Variants in GLP1R observed in about 807,000 individuals in gnomAD.
The protein encoded by GLP1R is glucagon like peptide 1 receptor.
Under a neutral mutation model 68.4 loss-of-function variants are expected in GLP1R, and 32 were observed. The observed-to-expected ratio is 0.47, with a 90% confidence interval of 0.35 to 0.63. The LOEUF (loss-of-function observed/expected upper bound fraction) is 0.63, where lower values mean the gene tolerates loss of function less well. GLP1R is among the 20% of genes least tolerant of loss of function. GLP1R has a pLI of 0.00. For synonymous variants in GLP1R, 263 were observed against 244.4 expected (o/e 1.08, Z -0.71); for missense variants, 502 against 594.9 (o/e 0.84, Z 1.62).
In GLP1R at chr6:39,089,707, C is replaced by T. The variant is rs1272298893; in HGVS notation, c.*3634C>T. 6.6e-6 allele frequency among the ~76,000 whole-genome samples: 1 copy of T among 152,198 alleles called. No individual in the cohort carries two copies. Among genetic ancestry groups the T allele is most frequent in the Non-Finnish European group, 1.5e-5 (1 of 68,024 alleles). ...GGAGATGATGACTCCAGAATCATCACACCCGCTGTGCAGGTCATAGGACCG... is the reference window on the plus strand; with the variant it reads ...GGAGATGATGACTCCAGAATCATCATACCCGCTGTGCAGGTCATAGGACCG... On this transcript the variant is annotated 3_prime_UTR_variant, in exon 13 of 13. Coordinates refer to ENST00000373256, the MANE Select transcript of GLP1R (RefSeq NM_002062.5). This position sits in a 1 kb window ranked among gnomAD's most constrained non-coding sequence, Gnocchi z 4.1.
chr6:39,053,103 A>C (rs1380924774), intron 1 of GLP1R, among the ~76,000 whole-genome samples: 1 of 152,154 alleles, frequency 6.6e-6, no homozygotes, highest in Non-Finnish European at 1.5e-5. Context: ...AGAAACTGCC[A>C]TCCTGCCCTT....
intron 5 of GLP1R, among the ~76,000 whole-genome samples, chr6:39,068,799 C>T (rs373427771): frequency 6.6e-6 from 1 of 152,178 alleles, no homozygotes; most frequent in African/African-American, 2.4e-5. Flanking sequence ...GGGCTCCTCC[C>T]CCAGAACTGT....
chr6:39,072,790 C>A, intron 5 of GLP1R, 72 bp from the exon 6 acceptor site: 1 of 1,375,516 alleles, frequency 7.3e-7, no homozygotes, highest in East Asian at 2.3e-5. Flanking sequence ...TGTGTGTTAG[C>A]TTGAGAGCCT....
At position 39,088,832 on chromosome 6, in the gene GLP1R, TC is replaced by T. The variant is rs1157881806; in HGVS notation, c.*2765del. 6.6e-6 allele frequency among the ~76,000 whole-genome samples: 1 copy of T among 151,956 alleles called. No homozygotes were observed. The highest frequency in any genetic ancestry group is 1.9e-4 in the East Asian group (1 of 5,188). On this transcript the variant is annotated 3_prime_UTR_variant, in exon 13 of 13. Coordinates refer to ENST00000373256, the MANE Select transcript of GLP1R (RefSeq NM_002062.5). ...TCTGAGCAGAGAAAGACCTTGGTGA[TC>T]CCCCCTGGCCCGATCTATAGGATTG...
intron 5 of GLP1R, among the ~76,000 whole-genome samples, chr6:39,068,680 G>C (rs893153298): frequency 6.6e-6 from 1 of 152,158 alleles, no homozygotes; most frequent in Non-Finnish European, 1.5e-5. Context: ...GTTATACCTG[G>C]GCCCACTTGA....
chr6:39,073,689 G>A lies in GLP1R; in HGVS notation c.743G>A (p.Gly248Asp), dbSNP rs1388310962. The change falls in exon 7 of 13, where the codon GGC (glycine) becomes GAC (aspartate). Residue 248 changes from glycine (G) to aspartate (D), a missense_variant. By Grantham distance (94) the Gly-to-Asp change is moderately conservative (BLOSUM62 -1). Coordinates refer to ENST00000373256, the MANE Select transcript of GLP1R (RefSeq NM_002062.5). ...AANYYWLLVE[G>D]VYLYTLLAFS... Reference sequence around the variant, plus strand: ...AATTACTACTGGCTCTTGGTGGAGGGCGTGTACCTGTACACACTGCTGGCC... The same window carrying A: ...AATTACTACTGGCTCTTGGTGGAGGACGTGTACCTGTACACACTGCTGGCC... 6.2e-7 allele frequency: 1 copy of A among 1,613,710 alleles called. No homozygotes were observed.
intron 6 of GLP1R, 113 bp downstream of exon 6, chr6:39,073,128 C>T (rs1768720776): frequency 1.4e-5 from 14 of 985,996 alleles, no homozygotes; most frequent in Non-Finnish European, 4.5e-6. Flanking sequence ...ACAGTCCTGG[C>T]CCTTCGGGAG....
intron 7 of GLP1R, among the ~76,000 whole-genome samples, chr6:39,074,908 T>C (rs747849547): frequency 3.3e-4 from 50 of 152,316 alleles, no homozygotes; most frequent in Middle Eastern, 3.4e-3. Context: ...TTATTTTTAC[T>C]GGTGTTCCTC....
chr6:39,085,246 G>C (rs1562020548), intron 12 of GLP1R, among the ~76,000 whole-genome samples: 1 of 152,216 alleles, frequency 6.6e-6, no homozygotes, highest in Non-Finnish European at 1.5e-5. Context: ...GGAGGCCAGA[G>C]CCCAGCACAA....
Position 39,088,369 on chromosome 6 carries a change from T to A in GLP1R, c.*2296T>A, listed in dbSNP as rs1769202617. ...CAAGCTTTCCTAAGCTAAATATGGC[T>A]CCAACAGGTCTGGGAACTATTGAAT... is the stretch of plus-strand genomic sequence containing the variant. On this transcript the variant is annotated 3_prime_UTR_variant, in exon 13 of 13. Transcript: ENST00000373256. Among the ~76,000 whole-genome samples, 3 of 152,078 alleles carry A rather than the reference T, an allele frequency of 2.0e-5. No homozygotes were observed. Among genetic ancestry groups the A allele is most frequent in the Admixed American group, 2.0e-4 (3 of 15,268 alleles).
intron 12 of GLP1R, among the ~76,000 whole-genome samples, chr6:39,083,469 A>C (rs1028622608): frequency 1.3e-5 from 2 of 152,212 alleles, no homozygotes; most frequent in Admixed American, 1.3e-4. Flanking sequence ...GTGGCTGCCA[A>C]GGCCTGCACC....
At chr6:39,078,887 G>A in intron 8 of GLP1R, 70 bp from the exon 9 acceptor site, 1 of 1,346,432 alleles carries the variant, frequency 7.4e-7, no homozygotes, top group Non-Finnish European at 1.1e-6. Flanking sequence ...GGCGGCCTCT[G>A]TGCCTGCACC....
intron 11 of GLP1R, among the ~76,000 whole-genome samples, chr6:39,080,326 T>G (rs891647445): frequency 6.6e-6 from 1 of 152,124 alleles, no homozygotes; most frequent in Admixed American, 6.5e-5. Context: ...GAGTGGGGAA[T>G]ATTCTCCATG....
chr6:39,091,254 C>T lies in GLP1R; in HGVS notation c.*5181C>T, dbSNP rs1234435794. ...TTGTACAGATGTGAATGGATGCAGA[C>T]TCTTTCCTAATTTGCCTTGTAAGCC... is the stretch of plus-strand genomic sequence containing the variant. On this transcript the variant is annotated 3_prime_UTR_variant, in exon 13 of 13. Coordinates refer to ENST00000373256, the MANE Select transcript of GLP1R (RefSeq NM_002062.5). Among the ~76,000 whole-genome samples the T allele has an allele frequency of 6.6e-6, 1 of 152,216 alleles. No homozygotes were observed. Among genetic ancestry groups the T allele is most frequent in the Non-Finnish European group, 1.5e-5 (1 of 68,042 alleles).
chr6:39,078,274 C>G (rs1386674336), intron 7 of GLP1R, 48 bp from the exon 8 acceptor site: 3 of 1,387,752 alleles, frequency 2.2e-6, no homozygotes, highest in Middle Eastern at 1.8e-4. Context: ...TAGACTGTGG[C>G]TCTGGCCTGC....
chr6:39,063,913 C>G (rs1768422394), intron 3 of GLP1R, among the ~76,000 whole-genome samples: 1 of 146,352 alleles, frequency 6.8e-6, no homozygotes, highest in Non-Finnish European at 1.5e-5. Flanking sequence ...CACACACACA[C>G]ACACAGACAC....
In GLP1R at chr6:39,080,716, T is replaced by A. The variant is rs763793276; in HGVS notation, c.1201T>A (p.Leu401Ile). Residue 401 changes from leucine (L) to isoleucine (I), a missense_variant, in exon 12 of 13, where the codon TTA becomes ATA. Leu to Ile is a conservative substitution (Grantham distance 5, BLOSUM62 2). Transcript: ENST00000373256. The part of the protein sequence containing the change: ...TSFQGLMVAI[L>I]YCFVNNEVQL... ...TTTCCAGGGGCTGATGGTGGCCATA[T>A]TATACTGCTTTGTCAACAATGAGGT... 6.3e-7 allele frequency: 1 copy of A among 1,597,892 alleles called. No homozygotes were observed. The highest frequency in any genetic ancestry group is 2.3e-5 in the East Asian group (1 of 43,428).
Position 39,086,160 on chromosome 6 carries a change from G to A in GLP1R, c.*87G>A, listed in dbSNP as rs200549507. 52 of 814,266 alleles carry A rather than the reference G, an allele frequency of 6.4e-5. No individual in the cohort carries two copies. Among genetic ancestry groups the A allele is most frequent in the Non-Finnish European group, 7.1e-5 (37 of 519,906 alleles). 50.4% of individuals were successfully genotyped at this position (814,266 alleles called of 1,614,324 possible). A position where few individuals can be genotyped will look rare whatever the true frequency, so the allele number is the denominator to read the frequency against. ...AGAGACACTCCCAGGGACAAGGGAA[G>A]GAAGGGACACACACACACACACACA... is the stretch of plus-strand genomic sequence containing the variant. On this transcript the variant is annotated 3_prime_UTR_variant, in exon 13 of 13. Coordinates refer to ENST00000373256, the MANE Select transcript of GLP1R (RefSeq NM_002062.5). This position sits in a 1 kb window ranked among gnomAD's most constrained non-coding sequence, Gnocchi z 4.5.
intron 1 of GLP1R, among the ~76,000 whole-genome samples, chr6:39,051,284 G>T (rs1768082040): frequency 6.6e-6 from 1 of 152,134 alleles, no homozygotes; most frequent in South Asian, 2.1e-4. Flanking sequence ...GTTATGGAGG[G>T]GATTGAGACA....
Sources: allele counts gnomAD v4.1 joint callset (sites outside exome capture counted in the v4.1 genomes callset), GRCh38; gene constraint gnomAD v4.1.1; non-coding constraint Gnocchi (gnomAD v3.1); transcripts MANE v1.5; gene names NCBI Gene and HGNC (gene_info 2026-07-23, HGNC 2026-07-21).